USH2A: variants seen among roughly 807,000 people sequenced by gnomAD.
USH2A encodes Usher syndrome 2A (autosomal recessive, mild).
Under a neutral mutation model 538.9 loss-of-function variants are expected in USH2A, and 443 were observed. That is an observed-to-expected ratio of 0.82 (90% CI 0.76 to 0.89). The LOEUF is 0.89. Among genes scored for constraint, USH2A ranks in the 40% least tolerant of loss-of-function variants. The pLI is 0.00. For synonymous variants in USH2A, 2,413 were observed against 2,273.5 expected, an observed-to-expected ratio of 1.06 and a Z score of -1.75; for missense variants, 6,633 against 6,324.8, an observed-to-expected ratio of 1.05 and a Z score of -1.65.
At chr1:215,930,833 G>T (rs1452360581) in intron 38 of USH2A, among the ~76,000 whole-genome samples, 1 of 151,896 alleles carries the variant, frequency 6.6e-6, no homozygotes, top group Non-Finnish European at 1.5e-5. Context: ...CCATAGGAAA[G>T]TTTCATATTT....
chr1:215,632,024 C>G (rs1383148335), intron 70 of USH2A, among the ~76,000 whole-genome samples: 1 of 152,218 alleles, frequency 6.6e-6, no homozygotes, highest in Non-Finnish European at 1.5e-5. Flanking sequence ...CAGCTGTTCT[C>G]AAATCTTGCT....
At chr1:216,074,122 G>C (rs2031665386) in intron 27 of USH2A, among the ~76,000 whole-genome samples, 1 of 152,214 alleles carries the variant, frequency 6.6e-6, no homozygotes, top group African/African-American at 2.4e-5. Context: ...CGGATGAAAT[G>C]AATTTAGAGT....
chr1:215,636,548 C>A (rs1024261973), intron 69 of USH2A, among the ~76,000 whole-genome samples: 1 of 152,164 alleles, frequency 6.6e-6, no homozygotes, highest in Admixed American at 6.5e-5. Context: ...AGAGTTGTTT[C>A]CTCTGTGTGT....
At position 215,917,130 on chromosome 1, in the gene USH2A, C is replaced by T. The variant is rs565591446; in HGVS notation, c.7301-16225G>A. Among the ~76,000 whole-genome samples, 8 of 152,152 alleles carry T rather than the reference C, an allele frequency of 5.3e-5. No individual in the cohort carries two copies. The East Asian group carries it at 1.6e-3, about 30-fold the overall frequency. ...GGCCCTGAAGTTGGTGGTCATAATG[C>T]CCAGAAGAATTTTTTTTTGTTATGT... On this transcript the variant is annotated intron_variant, in intron 38 of 71. Coordinates refer to ENST00000307340, the MANE Select transcript of USH2A (RefSeq NM_206933.4).
chr1:215,930,058 C>G (rs1666325836), intron 38 of USH2A, among the ~76,000 whole-genome samples: 1 of 151,904 alleles, frequency 6.6e-6, no homozygotes, highest in African/African-American at 2.4e-5. Flanking sequence ...TTTCTCAAGC[C>G]TAGTATTTTA....
chr1:216,039,796 G>A (rs948518938), intron 32 of USH2A, among the ~76,000 whole-genome samples: 7 of 151,724 alleles, frequency 4.6e-5, no homozygotes, highest in East Asian at 1.9e-4. Flanking sequence ...CAGCTTCTTC[G>A]TCAATAAATT....
At chr1:216,163,372 T>C (rs2034101446) in intron 21 of USH2A, among the ~76,000 whole-genome samples, 1 of 152,078 alleles carries the variant, frequency 6.6e-6, no homozygotes, top group Non-Finnish European at 1.5e-5. Flanking sequence ...TGTCTGGATA[T>C]ATGCATATAT....
At chr1:216,313,943 G>C (rs1318479232) in intron 9 of USH2A, among the ~76,000 whole-genome samples, 2 of 152,048 alleles carry the variant, frequency 1.3e-5, no homozygotes, top group African/African-American at 4.8e-5. Flanking sequence ...GCTGTTTTTA[G>C]GATGCTGTTC....
At chr1:215,786,489 T>C (rs938144638) in intron 52 of USH2A, among the ~76,000 whole-genome samples, 181 bp downstream of exon 52, 2 of 152,264 alleles carry the variant, frequency 1.3e-5, no homozygotes, top group African/African-American at 4.8e-5. Flanking sequence ...TTTAAAGTAC[T>C]GACTTTGAAT....
intron 35 of USH2A, among the ~76,000 whole-genome samples, chr1:215,971,357 C>T (rs1667490389): frequency 6.6e-6 from 1 of 152,110 alleles, no homozygotes; most frequent in African/African-American, 2.4e-5. Context: ...CTTTATATGA[C>T]CAGGTCCAAT....
At chr1:215,702,263 A>G (rs187310748) in intron 61 of USH2A, among the ~76,000 whole-genome samples, 221 of 151,914 alleles carry the variant, frequency 1.5e-3, no homozygotes, top group African/African-American at 5.0e-3. Context: ...TTTTTTCATC[A>G]TTTCAACTTT....
At chr1:216,237,539 C>T (rs551120239) in intron 13 of USH2A, among the ~76,000 whole-genome samples, 212 of 150,652 alleles carry the variant, frequency 1.4e-3, no homozygotes, top group African/African-American at 4.8e-3. Flanking sequence ...AAGTTCCACT[C>T]TTTCAGAGTA....
intron 20 of USH2A, among the ~76,000 whole-genome samples, chr1:216,186,223 T>TAA (rs111658512): frequency 1.4e-5 from 2 of 139,506 alleles, no homozygotes; most frequent in African/African-American, 5.2e-5. Flanking sequence ...TAGCAAAGAA[T>TAA]AAAAAAAAAA....
At chr1:216,284,484 G>A (rs1334680468) in intron 11 of USH2A, among the ~76,000 whole-genome samples, 1 of 152,150 alleles carries the variant, frequency 6.6e-6, no homozygotes, top group Non-Finnish European at 1.5e-5. Context: ...CCCCCGCCCT[G>A]AGGAACTATA....
intron 4 of USH2A, among the ~76,000 whole-genome samples, chr1:216,351,263 C>T (rs1033943546): frequency 1.3e-5 from 2 of 152,038 alleles, no homozygotes; most frequent in Non-Finnish European, 2.9e-5. Flanking sequence ...AATAGAGCAA[C>T]ATAATGAGAC....
chr1:215,970,860 T>C, intron 35 of USH2A, 84 bp from the exon 36 acceptor site: 1 of 1,358,110 alleles, frequency 7.4e-7, no homozygotes, highest in Admixed American at 1.7e-5. Context: ...CTTGATGTGA[T>C]TTCTAGTTTC....
At chr1:215,942,657 T>C (rs1666662937) in intron 37 of USH2A, among the ~76,000 whole-genome samples, 1 of 151,862 alleles carries the variant, frequency 6.6e-6, no homozygotes, top group Non-Finnish European at 1.5e-5. Context: ...TACAAATGTA[T>C]AAAGGAAAAG....
intron 64 of USH2A, among the ~76,000 whole-genome samples, chr1:215,655,987 G>A (rs548946555): frequency 2.6e-5 from 4 of 152,172 alleles, no homozygotes; most frequent in African/African-American, 9.6e-5. Context: ...GCCCACCTCC[G>A]CCTCACAAAG....
chr1:216,116,531 C>G (rs1284253779), intron 21 of USH2A, among the ~76,000 whole-genome samples: 3 of 152,076 alleles, frequency 2.0e-5, no homozygotes, highest in Admixed American at 6.6e-5. Flanking sequence ...AAAGCCCTCT[C>G]TAGTAACAAT....
Sources: gnomAD v4.1 joint callset for allele counts (sites outside exome capture counted in the v4.1 genomes callset) on GRCh38, gnomAD v4.1.1 for gene constraint, MANE v1.5 for transcripts, NCBI Gene and HGNC (gene_info 2026-07-23, HGNC 2026-07-21) for gene names.